Variants in CADPS2 observed in about 807,000 individuals in gnomAD.
CADPS2 encodes the protein calcium dependent secretion activator 2, also known as calcium-dependent secretion activator 2.
In CADPS2, 93 loss-of-function variants were observed where a neutral mutation model predicts 172.5. That is an observed-to-expected ratio of 0.54 (90% CI 0.46 to 0.64). The LOEUF (loss-of-function observed/expected upper bound fraction) is 0.64, where lower values mean the gene tolerates loss of function less well. Ranked by LOEUF, CADPS2 falls within the 30% of genes least tolerant of loss-of-function variation. The probability of loss-of-function intolerance (pLI) is 0.00; values close to 1 mark genes in which losing one functional copy is unlikely to be tolerated. For synonymous variants in CADPS2, 546 were observed against 555.2 expected (o/e 0.98, Z 0.23); for missense variants, 1,420 against 1,565.9 (o/e 0.91, Z 1.57).
At chr7:122,403,971 T>C (rs146494033) in intron 20 of CADPS2, among the ~76,000 whole-genome samples, 3 of 152,318 alleles carry the variant, frequency 2.0e-5, no homozygotes, top group East Asian at 1.9e-4. Flanking sequence ...CCTAATTGCT[T>C]GATGGTGAAC....
intron 1 of CADPS2, among the ~76,000 whole-genome samples, chr7:122,751,361 G>A (rs1187506837): frequency 6.6e-6 from 1 of 152,012 alleles, no homozygotes; most frequent in African/African-American, 2.4e-5. Context: ...CGAGGGAATG[G>A]GTAATGAAAT....
At chr7:122,822,891 TTCGCTG>T (rs1803781935) in intron 1 of CADPS2, among the ~76,000 whole-genome samples, 1 of 151,794 alleles carries the variant, frequency 6.6e-6, no homozygotes, top group Non-Finnish European at 1.5e-5. Context: ...CCTATCTCCC[TTCGCTG>T]ACTCTCTTTT....
intron 2 of CADPS2, among the ~76,000 whole-genome samples, chr7:122,729,799 C>T (rs1686): frequency 0.86 from 130,086 of 151,008 alleles, 56,102 homozygotes; most frequent in Middle Eastern, 0.93. Flanking sequence ...ATGAGTTGCA[C>T]CAACATAATC....
chr7:122,614,193 C>T (rs2074628576), intron 6 of CADPS2, among the ~76,000 whole-genome samples: 1 of 151,844 alleles, frequency 6.6e-6, no homozygotes, highest in African/African-American at 2.4e-5. Flanking sequence ...GGTGAGATCC[C>T]AGAGGTCATG....
chr7:122,466,405 C>G (rs1044233109), intron 14 of CADPS2, among the ~76,000 whole-genome samples: 4 of 152,128 alleles, frequency 2.6e-5, no homozygotes, highest in African/African-American at 9.7e-5. Flanking sequence ...TTTGCCACTC[C>G]CCTCTGGGGC....
chr7:122,492,735 C>T (rs1014384529), intron 9 of CADPS2, among the ~76,000 whole-genome samples: 3 of 151,854 alleles, frequency 2.0e-5, no homozygotes, highest in African/African-American at 4.8e-5. Flanking sequence ...GTTCTCACAT[C>T]GTCACCCAGG....
At chr7:122,524,779 G>C (rs1349802099) in intron 8 of CADPS2, among the ~76,000 whole-genome samples, 2 of 152,078 alleles carry the variant, frequency 1.3e-5, no homozygotes, top group Non-Finnish European at 2.9e-5. Flanking sequence ...TACATTGTTT[G>C]GAATTAACTA....
At chr7:122,824,465 A>G (rs1413716694) in intron 1 of CADPS2, among the ~76,000 whole-genome samples, 1 of 152,228 alleles carries the variant, frequency 6.6e-6, no homozygotes, top group Non-Finnish European at 1.5e-5. Flanking sequence ...TGACAATCTG[A>G]TATCTCATTA....
intron 1 of CADPS2, among the ~76,000 whole-genome samples, chr7:122,757,647 A>G (rs1232437848): frequency 6.6e-6 from 1 of 151,634 alleles, no homozygotes; most frequent in Non-Finnish European, 1.5e-5. Flanking sequence ...ATTGATCAAC[A>G]CTCTAGTAAC....
intron 1 of CADPS2, among the ~76,000 whole-genome samples, chr7:122,825,181 T>A (rs1157131057): frequency 6.6e-6 from 1 of 152,166 alleles, no homozygotes; most frequent in South Asian, 2.1e-4. Flanking sequence ...GTCTCCACAA[T>A]TAAAAATTGT....
chr7:122,533,824 C>A (rs550912164), intron 8 of CADPS2, among the ~76,000 whole-genome samples: 2 of 152,206 alleles, frequency 1.3e-5, no homozygotes, highest in South Asian at 4.1e-4. Flanking sequence ...TGCCTATCTG[C>A]AAAATTCTAA....
chr7:122,613,301 G>C lies in CADPS2; in HGVS notation c.1223+1880C>G, dbSNP rs550727280. On this transcript the variant is annotated intron_variant, in intron 6 of 29. Transcript: ENST00000449022. ...TGATGTGGGCCTAGTATCCAAAATA[G>C]AGGAACTCTTAAAACTTGAGAAAAC... Among the ~76,000 whole-genome samples the C allele has an allele frequency of 1.1e-4, 17 of 152,200 alleles. No homozygotes were observed. In the South Asian group the frequency reaches 3.5e-3, roughly 32 times the overall value.
At chr7:122,685,306 A>C (rs1408463087) in intron 2 of CADPS2, among the ~76,000 whole-genome samples, 1 of 152,232 alleles carries the variant, frequency 6.6e-6, no homozygotes, top group Non-Finnish European at 1.5e-5. Context: ...AGTTGTTTCC[A>C]AGTGGCAATG....
At chr7:122,616,862 A>G (rs2074985315) in intron 5 of CADPS2, among the ~76,000 whole-genome samples, 1 of 152,314 alleles carries the variant, frequency 6.6e-6, no homozygotes, top group African/African-American at 2.4e-5. Context: ...CCAGAAGCTG[A>G]GATAAATCAA....
intron 16 of CADPS2, 77 bp downstream of exon 16, chr7:122,441,435 G>T: frequency 2.2e-6 from 2 of 895,732 alleles, no homozygotes; most frequent in Non-Finnish European, 3.3e-6. Flanking sequence ...AACGGGGTCT[G>T]TCTCCCTAGT....
chr7:122,720,607 C>A (rs189348722), intron 2 of CADPS2, among the ~76,000 whole-genome samples: 1 of 150,878 alleles, frequency 6.6e-6, no homozygotes, highest in Non-Finnish European at 1.5e-5. Flanking sequence ...TACATATATA[C>A]GTATACATAC....
chr7:122,826,744 A>G (rs1012339432), intron 1 of CADPS2, among the ~76,000 whole-genome samples: 1 of 152,202 alleles, frequency 6.6e-6, no homozygotes, highest in Middle Eastern at 3.4e-3. Flanking sequence ...AATGGAAAAC[A>G]GGACAGAAGA....
chr7:122,491,344 C>A lies in CADPS2; in HGVS notation c.1619G>T (p.Gly540Val), dbSNP rs761842810. 2 of 1,611,136 alleles carry A rather than the reference C, an allele frequency of 1.2e-6. No individual in the cohort carries two copies. The highest frequency in any genetic ancestry group is 1.7e-6 in the Non-Finnish European group (2 of 1,178,478). ...SEPQELMQLE[G>V]YTVDYTDPHP... Reference sequence around the variant, plus strand: ...GGGATCGGTATAATCCACAGTATAGCCTTCAAGCTGCATTAATTCTTGTGG... The same window carrying A: ...GGGATCGGTATAATCCACAGTATAGACTTCAAGCTGCATTAATTCTTGTGG... The change falls in exon 10 of 30, where the codon GGC becomes GTC. Residue 540 changes from glycine (G) to valine (V), a missense_variant. By Grantham distance (109) the Gly-to-Val change is moderately radical (BLOSUM62 -3). Transcript: ENST00000449022.
At chr7:122,360,516 C>T (rs895474117) in intron 27 of CADPS2, among the ~76,000 whole-genome samples, 1 of 152,034 alleles carries the variant, frequency 6.6e-6, no homozygotes, top group African/African-American at 2.4e-5. Context: ...TTTTTCTACC[C>T]CATCCTAGAG....
Sources: gnomAD v4.1 joint callset for allele counts (sites outside exome capture counted in the v4.1 genomes callset) on GRCh38, gnomAD v4.1.1 for gene constraint, MANE v1.5 for transcripts, NCBI Gene and HGNC (gene_info 2026-07-23, HGNC 2026-07-21) for gene names.